PTPRN2: variants seen among roughly 807,000 people sequenced by gnomAD.
The protein encoded by PTPRN2 is protein tyrosine phosphatase receptor type N2.
A neutral mutation model predicts 118.8 loss-of-function variants in PTPRN2; 74 were observed. That is an observed-to-expected ratio of 0.62 (90% CI 0.52 to 0.76). PTPRN2 has a LOEUF of 0.76. Among genes scored for constraint, PTPRN2 ranks in the 30% least tolerant of loss-of-function variants. PTPRN2 has a pLI of 0.00. For missense variants in PTPRN2, 1,481 were observed against 1,394.4 expected, an observed-to-expected ratio of 1.06 and a Z score of -0.99; for synonymous variants, 641 against 608.0, an observed-to-expected ratio of 1.05 and a Z score of -0.80.
At chr7:157,593,651 C>G (rs1427657094) in intron 17 of PTPRN2, among the ~76,000 whole-genome samples, 4 of 152,180 alleles carry the variant, frequency 2.6e-5, no homozygotes, top group Non-Finnish European at 4.4e-5. Context: ...CTGGAAGGGC[C>G]CTGGGGCTCC....
intron 14 of PTPRN2, among the ~76,000 whole-genome samples, chr7:157,642,814 C>CAAAAAA (rs11335302): frequency 0.069 from 1,655 of 24,160 alleles, 416 homozygotes; most frequent in Middle Eastern, 0.3. Flanking sequence ...CAAGAAACAG[C>CAAAAAA]AAAAAAAAAA....
intron 12 of PTPRN2, among the ~76,000 whole-genome samples, chr7:157,683,525 C>G (rs1797013602): frequency 6.6e-6 from 1 of 152,240 alleles, no homozygotes; most frequent in Non-Finnish European, 1.5e-5. Flanking sequence ...TCCCACCTGA[C>G]TCCAGTCACT....
intron 3 of PTPRN2, among the ~76,000 whole-genome samples, chr7:158,258,259 C>T (rs889494227): frequency 6.6e-6 from 1 of 152,184 alleles, no homozygotes; most frequent in African/African-American, 2.4e-5. Context: ...TGAACACAGG[C>T]CGTCCTGAAT....
intron 11 of PTPRN2, among the ~76,000 whole-genome samples, chr7:158,013,096 G>GT (rs2128870018): frequency 6.6e-6 from 1 of 152,292 alleles, no homozygotes. Context: ...GTGAACACCT[G>GT]TAAGAATCTG....
intron 3 of PTPRN2, among the ~76,000 whole-genome samples, chr7:158,278,331 C>T (rs1197321884): frequency 7.0e-6 from 1 of 143,024 alleles, no homozygotes; most frequent in African/African-American, 2.6e-5. Flanking sequence ...GATGAAACCC[C>T]GTCTCTACTA....
chr7:157,599,524 A>C (rs144879067), intron 16 of PTPRN2, among the ~76,000 whole-genome samples: 58 of 152,356 alleles, frequency 3.8e-4, no homozygotes, highest in Admixed American at 3.1e-3. Flanking sequence ...CCTAATCTGC[A>C]TGAAAAACTT....
At chr7:158,176,690 C>T (rs976675674) in intron 5 of PTPRN2, among the ~76,000 whole-genome samples, 3 of 152,212 alleles carry the variant, frequency 2.0e-5, no homozygotes, top group African/African-American at 7.2e-5. Context: ...CATCAACCTG[C>T]TCTGCCTCAG....
At chr7:158,312,193 G>A (rs1404549747) in intron 3 of PTPRN2, among the ~76,000 whole-genome samples, 3 of 48,790 alleles carry the variant, frequency 6.1e-5, no homozygotes, top group African/African-American at 1.5e-4. Context: ...CTCATGTGTA[G>A]ACACTCACAT....
intron 11 of PTPRN2, among the ~76,000 whole-genome samples, chr7:157,996,643 T>C (rs1212006251): frequency 6.6e-6 from 1 of 152,232 alleles, no homozygotes; most frequent in Non-Finnish European, 1.5e-5. Context: ...GACAAGCCCT[T>C]AACTGAGAAC....
At chr7:157,750,305 G>A (rs760429455) in intron 12 of PTPRN2, among the ~76,000 whole-genome samples, 13 of 152,100 alleles carry the variant, frequency 8.5e-5, no homozygotes, top group African/African-American at 1.9e-4. Context: ...TTGGCCAAAC[G>A]ATCAAAACAA....
intron 11 of PTPRN2, among the ~76,000 whole-genome samples, chr7:157,976,702 G>A (rs1165953230): frequency 2.6e-5 from 4 of 151,874 alleles, no homozygotes; most frequent in Non-Finnish European, 2.9e-5. Context: ...TTGTGCCGCA[G>A]ATTGGGGTAA....
chr7:158,241,943 T>G lies in PTPRN2; in HGVS notation c.278-36670A>C, dbSNP rs112004191. Among the ~76,000 whole-genome samples the G allele has an allele frequency of 2.5e-3, 384 of 152,336 alleles. 2 individuals are homozygous for G. The highest frequency in any genetic ancestry group is 8.9e-3 in the African/African-American group (369 of 41,580). On this transcript the variant is annotated intron_variant, in intron 3 of 22. Transcript: ENST00000389418. ...CATCTGAAACCCCCTCAGGCCCATA[T>G]TTCTAGACAGCACAGTCGCAAACCG...
At chr7:157,884,100 C>A (rs566748861) in intron 12 of PTPRN2, among the ~76,000 whole-genome samples, 1,018 of 135,296 alleles carry the variant, frequency 7.5e-3, no homozygotes, top group African/African-American at 0.028. Flanking sequence ...CCCCAAAATG[C>A]CTGTCAGAGA....
At chr7:157,767,449 C>A (rs111941064) in intron 12 of PTPRN2, among the ~76,000 whole-genome samples, 1 of 152,166 alleles carries the variant, frequency 6.6e-6, no homozygotes, top group African/African-American at 2.4e-5. Context: ...ACACTTTGTA[C>A]GGTGTTTGCC....
chr7:158,202,416 G>C (rs1182528925), intron 4 of PTPRN2, among the ~76,000 whole-genome samples: 1 of 152,128 alleles, frequency 6.6e-6, no homozygotes, highest in Non-Finnish European at 1.5e-5. Flanking sequence ...GTCAGCAGGA[G>C]GGACAGCATG....
intron 12 of PTPRN2, among the ~76,000 whole-genome samples, chr7:157,773,510 A>G (rs1046962613): frequency 1.3e-5 from 2 of 152,196 alleles, no homozygotes; most frequent in Non-Finnish European, 2.9e-5. Flanking sequence ...GCCCGTGCTC[A>G]GTTTTCTCCA....
At chr7:157,967,489 G>C (rs145244747) in intron 11 of PTPRN2, among the ~76,000 whole-genome samples, 143 of 152,256 alleles carry the variant, frequency 9.4e-4, no homozygotes, top group Middle Eastern at 3.4e-3. Flanking sequence ...TACGTGGCTG[G>C]GAGTTGTAAA....
intron 8 of PTPRN2, 63 bp from the exon 9 acceptor site, chr7:158,134,122 T>G: frequency 6.5e-7 from 1 of 1,540,896 alleles, no homozygotes; most frequent in Non-Finnish European, 8.8e-7. Context: ...ACACATGCAA[T>G]CAAGGGCTGC....
At chr7:158,444,738 C>T (rs1817608432) in intron 2 of PTPRN2, among the ~76,000 whole-genome samples, 1 of 152,210 alleles carries the variant, frequency 6.6e-6, no homozygotes, top group South Asian at 2.1e-4. Context: ...TCCTCGTCCT[C>T]AGTGCTCCTC....
Sources: gnomAD v4.1 joint callset for allele counts (sites outside exome capture counted in the v4.1 genomes callset) on GRCh38, gnomAD v4.1.1 for gene constraint, MANE v1.5 for transcripts, NCBI Gene and HGNC (gene_info 2026-07-23, HGNC 2026-07-21) for gene names.